DGLUCY: variants seen among roughly 807,000 people sequenced by gnomAD.
The protein encoded by DGLUCY is D-glutamate cyclase, mitochondrial.
Under a neutral mutation model 58.5 loss-of-function variants are expected in DGLUCY, and 58 were observed. The observed-to-expected ratio is 0.99, with a 90% CI of 0.80 to 1.23. DGLUCY has a LOEUF of 1.23. Ranked by LOEUF, DGLUCY falls within the 50% of genes most tolerant of loss-of-function variation. The probability of loss-of-function intolerance (pLI) is 0.00; values close to 1 mark genes in which losing one functional copy is unlikely to be tolerated. For synonymous variants in DGLUCY, 325 were observed against 314.1 expected (o/e 1.03, Z -0.37); for missense variants, 779 against 784.7 (o/e 0.99, Z 0.09).
At chr14:91,181,049 T>C in intron 7 of DGLUCY, 137 bp from the exon 8 acceptor site, 4 of 683,726 alleles carry the variant, frequency 5.9e-6, no homozygotes, top group Non-Finnish European at 9.9e-6. Flanking sequence ...CTGACCTTGG[T>C]GCCAGCAGGT....
chr14:91,219,052 C>T lies in DGLUCY; in HGVS notation c.1716+3496C>T, dbSNP rs950179064. Among the ~76,000 whole-genome samples the T allele has an allele frequency of 1.2e-4, 18 of 151,866 alleles. 1 individual carries two copies. Among genetic ancestry groups the T allele is most frequent in the South Asian group, 8.3e-4 (4 of 4,808 alleles). Reference sequence around the variant, plus strand: ...AAAATTAGCCAGGCGTGGTGGCGGGCGCCTGTAGTCCCAGCTGTTCGAGAG... The same window carrying T: ...AAAATTAGCCAGGCGTGGTGGCGGGTGCCTGTAGTCCCAGCTGTTCGAGAG... On this transcript the variant is annotated intron_variant, in intron 13 of 13. Transcript: ENST00000256324.
chr14:91,130,027 GT>G (rs2045942916), intron 1 of DGLUCY, among the ~76,000 whole-genome samples: 1 of 152,136 alleles, frequency 6.6e-6, no homozygotes, highest in African/African-American at 2.4e-5. Context: ...GTGTTACATT[GT>G]ATGATTTTCC....
At chr14:91,170,634 A>G (rs1566980817) in intron 5 of DGLUCY, among the ~76,000 whole-genome samples, 1 of 152,188 alleles carries the variant, frequency 6.6e-6, no homozygotes, top group Non-Finnish European at 1.5e-5. Flanking sequence ...CTGTCCAGAA[A>G]GCTGGGTCAT....
Position 91,199,773 on chromosome 14 carries a change from G to T in DGLUCY, c.1312G>T (p.Ala438Ser). Residue 438 changes from alanine to serine, a missense_variant, in exon 11 of 14, where the codon GCC becomes TCC. By Grantham distance (99) the Ala-to-Ser change is moderately conservative (BLOSUM62 1). Coordinates refer to ENST00000256324, the MANE Select transcript of DGLUCY (RefSeq NM_001102368.3). ...TCCCGGCAGATTTGACCACCTGGTG[G>T]CCATAGAGCGTGCCGGAAGAGCTGC... ...PQTPRFDHLVAIERAGRAADG... is the reference protein window; with the variant it reads ...PQTPRFDHLVSIERAGRAADG... 2 of 1,614,156 alleles carry T rather than the reference G, an allele frequency of 1.2e-6. No individual in the cohort carries two copies. The highest frequency in any genetic ancestry group is 1.7e-6 in the Non-Finnish European group (2 of 1,180,016).
intron 8 of DGLUCY, 146 bp downstream of exon 8, chr14:91,181,535 C>T (rs1234850803): frequency 1.3e-6 from 1 of 751,606 alleles, no homozygotes; most frequent in African/African-American, 1.8e-5. Context: ...GCATATAAAT[C>T]TCAAAAAGAC....
At chr14:91,098,283 C>G (rs939399868) in intron 1 of DGLUCY, among the ~76,000 whole-genome samples, 6 of 151,826 alleles carry the variant, frequency 4.0e-5, no homozygotes, top group African/African-American at 1.5e-4. Context: ...ATGGTGGGAC[C>G]TTATCTCTAA....
chr14:91,111,423 C>T (rs1225361407), upstream of DGLUCY, among the ~76,000 whole-genome samples: 2 of 152,032 alleles, frequency 1.3e-5, no homozygotes, highest in Non-Finnish European at 2.9e-5. Context: ...GCTGGGATTA[C>T]AAGCGCACAC....
intron 9 of DGLUCY, among the ~76,000 whole-genome samples, chr14:91,190,874 C>CTGGGGT (rs1164069443): frequency 1.3e-5 from 2 of 152,092 alleles, no homozygotes; most frequent in Admixed American, 6.6e-5. Flanking sequence ...TAAGCAATCA[C>CTGGGGT]TGGGGTGCAG....
In DGLUCY at chr14:91,171,539, C is replaced by T. The variant is rs144730078; in HGVS notation, c.456+1338C>T. On this transcript the variant is annotated intron_variant, in intron 5 of 13. Transcript: ENST00000256324. ...CAGCCTTGGGGAGGGCTGCCTGGCT[C>T]TGCCAGTGGCTCCAGCATGTCCCCT... Among the ~76,000 whole-genome samples the T allele has an allele frequency of 2.5e-3, 377 of 152,322 alleles. 1 individual carries two copies. Among genetic ancestry groups the T allele is most frequent in the African/African-American group, 8.4e-3 (350 of 41,578 alleles).
chr14:91,129,827 G>A (rs1453413531), intron 1 of DGLUCY, among the ~76,000 whole-genome samples: 1 of 152,038 alleles, frequency 6.6e-6, no homozygotes, highest in Non-Finnish European at 1.5e-5. Flanking sequence ...TGTATTTTTA[G>A]TAGAGATGGG....
chr14:91,113,160 C>T (rs1260056575), upstream of DGLUCY, among the ~76,000 whole-genome samples: 1 of 151,950 alleles, frequency 6.6e-6, no homozygotes, highest in Admixed American at 6.6e-5. Flanking sequence ...ATTAGCTGGG[C>T]GTGGTGGCGC....
At chr14:91,221,882 AAG>A (rs1887572413) in intron 13 of DGLUCY, among the ~76,000 whole-genome samples, 1 of 152,062 alleles carries the variant, frequency 6.6e-6, no homozygotes, top group South Asian at 2.1e-4. Context: ...AACTTCCCAG[AAG>A]GCACCCCACT....
chr14:91,087,217 A>G (rs1394253717), intron 1 of DGLUCY, among the ~76,000 whole-genome samples: 1 of 152,218 alleles, frequency 6.6e-6, no homozygotes, highest in East Asian at 1.9e-4. Context: ...TGTGCCTAGA[A>G]TCGAATCAGA....
intron 3 of DGLUCY, among the ~76,000 whole-genome samples, chr14:91,162,134 C>G (rs1313109159): frequency 6.6e-6 from 1 of 152,056 alleles, no homozygotes; most frequent in Non-Finnish European, 1.5e-5. Context: ...GTGGGACTGT[C>G]GGGAGGGGCA....
chr14:91,213,792 C>T lies in DGLUCY; in HGVS notation c.1565-1613C>T, dbSNP rs559377581. On this transcript the variant is annotated intron_variant, in intron 12 of 13. Transcript: ENST00000256324. The stretch of plus-strand genomic sequence containing the variant: ...TTGGCTCACTGCAACCTCCACCTCC[C>T]GGGTTCAAGTGGTTTTCCTGCCTCA... Among the ~76,000 whole-genome samples, 5 of 152,110 alleles carry T rather than the reference C, an allele frequency of 3.3e-5. 1 individual carries two copies. Among genetic ancestry groups the T allele is most frequent in the African/African-American group, 1.2e-4 (5 of 41,506 alleles).
chr14:91,216,995 C>T (rs1886628658), intron 13 of DGLUCY, among the ~76,000 whole-genome samples: 1 of 152,234 alleles, frequency 6.6e-6, no homozygotes, highest in Admixed American at 6.5e-5. Flanking sequence ...ATTTCCATGG[C>T]CCTCTTAGAG....
At chr14:91,071,159 C>A (rs142720348) in intron 1 of DGLUCY, among the ~76,000 whole-genome samples, 1 of 151,082 alleles carries the variant, frequency 6.6e-6, no homozygotes, top group Non-Finnish European at 1.5e-5. Flanking sequence ...GGTGAAACCC[C>A]GTCTCTACTA....
At chr14:91,186,136 A>G (rs2049502377) in intron 8 of DGLUCY, among the ~76,000 whole-genome samples, 1 of 152,176 alleles carries the variant, frequency 6.6e-6, no homozygotes, top group Admixed American at 6.5e-5. Context: ...GTATTTACCA[A>G]TTTACAGTTG....
In DGLUCY at chr14:91,224,786, G is replaced by A. The variant is rs1465768393; in HGVS notation, c.1819G>A (p.Ala607Thr). 1.9e-6 allele frequency: 3 copies of A among 1,613,402 alleles called. No homozygotes were observed. Among genetic ancestry groups the A allele is most frequent in the African/African-American group, 1.3e-5 (1 of 74,868 alleles). Residue 607 changes from alanine to threonine, a missense_variant, in exon 14 of 14, where the codon GCC (alanine) becomes ACC (threonine). Transcript: ENST00000256324. ...TGGGCTGCCCTTCCACAACACCCAC[G>A]CCGAGATGATCCAGAAGCTGGTGGA... ...VDGLPFHNTH[A>T]EMIQKLVDVT...
Sources: allele counts gnomAD v4.1 joint callset (sites outside exome capture counted in the v4.1 genomes callset), GRCh38; gene constraint gnomAD v4.1.1; transcripts MANE v1.5; gene names NCBI Gene and HGNC (gene_info 2026-07-23, HGNC 2026-07-21).